Variants in ZNF518A observed in about 807,000 individuals in gnomAD.
The protein encoded by ZNF518A is zinc finger protein 518A.
A neutral mutation model predicts 102.7 loss-of-function variants in ZNF518A; 47 were observed. The ratio of observed to expected loss-of-function variants is 0.46; its 90% CI spans 0.36 to 0.58. The LOEUF (loss-of-function observed/expected upper bound fraction) is 0.58, where lower values mean the gene tolerates loss of function less well. Among genes scored for constraint, ZNF518A ranks in the 20% least tolerant of loss-of-function variants. The probability of loss-of-function intolerance (pLI) is 0.00; values close to 1 mark genes in which losing one functional copy is unlikely to be tolerated. For missense variants in ZNF518A, 1,793 were observed against 1,699.8 expected, an observed-to-expected ratio of 1.05 and a Z score of -0.96; for synonymous variants, 652 against 594.6, an observed-to-expected ratio of 1.10 and a Z score of -1.40.
intron 1 of ZNF518A, among the ~76,000 whole-genome samples, chr10:96,195,199 T>C (rs797026898): frequency 4.1e-4 from 63 of 152,314 alleles, no homozygotes; most frequent in South Asian, 2.1e-3. Context: ...TAAACCCTCG[T>C]GTGCTGTTGG....
At chr10:96,169,274 T>G (rs747870914) in intron 1 of ZNF518A, among the ~76,000 whole-genome samples, 43 of 152,196 alleles carry the variant, frequency 2.8e-4, no homozygotes, top group Non-Finnish European at 5.4e-4. Context: ...CAAAACACTG[T>G]GATTACAGGT....
At chr10:96,131,807 A>G (rs985587142) in intron 1 of ZNF518A, among the ~76,000 whole-genome samples, 13 of 151,746 alleles carry the variant, frequency 8.6e-5, no homozygotes, top group African/African-American at 2.9e-4. Flanking sequence ...CTCTCTGGTA[A>G]TAGTATGCTG....
chr10:96,154,454 C>T (rs1564764524), intron 3 of ZNF518A, among the ~76,000 whole-genome samples: 1 of 150,772 alleles, frequency 6.6e-6, no homozygotes, highest in East Asian at 1.9e-4. Context: ...TTCCTTCCTG[C>T]CTTCTTTTCT....
chr10:96,201,121 A>G (rs1033248910), intron 1 of ZNF518A: 16 of 1,399,146 alleles, frequency 1.1e-5, no homozygotes, highest in Middle Eastern at 1.7e-4. Flanking sequence ...TTCTATGCCT[A>G]TCCCCTAACA....
chr10:96,174,853 C>A (rs1268011127), intron 1 of ZNF518A, among the ~76,000 whole-genome samples: 1 of 152,114 alleles, frequency 6.6e-6, no homozygotes, highest in Non-Finnish European at 1.5e-5. Context: ...TATGTTGGTG[C>A]TTTAACCTCC....
intron 1 of ZNF518A, among the ~76,000 whole-genome samples, chr10:96,185,682 C>T (rs1787004757): frequency 6.6e-6 from 1 of 152,210 alleles, no homozygotes; most frequent in African/African-American, 2.4e-5. Context: ...CCTCTGGAAG[C>T]TTCGTCTCAG....
intron 1 of ZNF518A, among the ~76,000 whole-genome samples, chr10:96,180,794 G>T (rs587679030): frequency 2.4e-4 from 36 of 152,234 alleles, no homozygotes; most frequent in Admixed American, 1.1e-3. Context: ...GAATAGTGCC[G>T]CAATAAACGT....
At chr10:96,191,849 T>A in intron 1 of ZNF518A, 1 of 1,323,170 alleles carries the variant, frequency 7.6e-7, no homozygotes, top group Non-Finnish European at 1.1e-6. Flanking sequence ...AATAGCTGAC[T>A]CCATCTTCCA....
At chr10:96,139,371 T>G (rs1452676359) in intron 3 of ZNF518A, among the ~76,000 whole-genome samples, 1 of 152,150 alleles carries the variant, frequency 6.6e-6, no homozygotes. Context: ...AAGTGGGGCC[T>G]TTTTAAGAGG....
At chr10:96,141,972 A>G (rs1554876691) in intron 3 of ZNF518A, among the ~76,000 whole-genome samples, 1 of 152,012 alleles carries the variant, frequency 6.6e-6, no homozygotes, top group Non-Finnish European at 1.5e-5. Context: ...GAACTCCTGG[A>G]CTCAAGCAGT....
Position 96,132,674 on chromosome 10 carries a change from T to C in ZNF518A, c.-368+4T>C, listed in dbSNP as rs2081397307. ...CCTTTTGTTCCTGAAGAAAGAGGTA[T>C]GGTAAAGATTGAAATACTGGAGTAT... On this transcript the variant is annotated splice_donor_region_variant and intron_variant, in intron 2 of 5. Coordinates refer to ENST00000316045, the MANE Select transcript of ZNF518A (RefSeq NM_001330736.2). The C allele has an allele frequency of 6.6e-6, 1 of 151,998 alleles. No homozygotes were observed. The highest frequency in any genetic ancestry group is 6.6e-5 in the Admixed American group (1 of 15,260). 9.4% of individuals were successfully genotyped at this position (151,998 alleles called of 1,614,324 possible).
intron 1 of ZNF518A, chr10:96,203,497 A>C (rs1197764909): frequency 6.6e-6 from 1 of 152,092 alleles, no homozygotes; most frequent in Non-Finnish European, 1.5e-5. Flanking sequence ...TTTTTTTCCC[A>C]CATTGAGTTG....
In ZNF518A at chr10:96,181,677, C is replaced by G. The variant is rs185459972; in HGVS notation, n.36-21897C>G. Among the ~76,000 whole-genome samples, 691 of 152,214 alleles carry G rather than the reference C, an allele frequency of 4.5e-3. 2 individuals carry two copies. The highest frequency in any genetic ancestry group is 7.2e-3 in the Non-Finnish European group (489 of 68,012). On this transcript the variant is annotated intron_variant and non_coding_transcript_variant, in intron 1 of 2. Coordinates refer to the ZNF518A transcript ENST00000442635. ...AGATGTGTGGTGTTATTTCTGAGGC[C>G]TCTGTTCTGTTCCATTGGTCTATCT...
chr10:96,191,378 T>C (rs1473995561), intron 1 of ZNF518A, among the ~76,000 whole-genome samples: 1 of 152,096 alleles, frequency 6.6e-6, no homozygotes, highest in Non-Finnish European at 1.5e-5. Flanking sequence ...TAATTATCTT[T>C]AGTAAGCAAA....
chr10:96,159,484 A>G lies in ZNF518A; in HGVS notation c.3162A>G (p.Lys1054=). Residue 1054 remains lysine (K), a synonymous_variant, in exon 6 of 6, where the codon AAA becomes AAG. Transcript: ENST00000316045. ...TLPLKGPYIL[K]PTSSVKAVLI... is the part of the protein sequence containing the mutation. ...CATTAAAAGGCCCTTACATTTTGAA[A>G]CCAACGAGTTCTGTGAAAGCTGTTC... 6.2e-7 allele frequency: 1 copy of G among 1,613,816 alleles called. No individual in the cohort carries two copies.
intron 1 of ZNF518A, among the ~76,000 whole-genome samples, chr10:96,197,366 G>A (rs2083493758): frequency 6.6e-6 from 1 of 152,100 alleles, no homozygotes; most frequent in African/African-American, 2.4e-5. Flanking sequence ...GTGCAGTGGT[G>A]CAATCACAGT....
intron 1 of ZNF518A, among the ~76,000 whole-genome samples, chr10:96,195,485 G>A (rs1303395195): frequency 2.0e-5 from 3 of 152,184 alleles, no homozygotes; most frequent in African/African-American, 7.2e-5. Flanking sequence ...GCCTTAAAAA[G>A]GAAGGAAATC....
chr10:96,150,352 A>G (rs1442527950), intron 3 of ZNF518A, among the ~76,000 whole-genome samples: 1 of 130,974 alleles, frequency 7.6e-6, no homozygotes, highest in Non-Finnish European at 1.7e-5. Context: ...AAAAAAAAAA[A>G]TTGATGTCTG....
Position 96,200,136 on chromosome 10 carries a change from G to A in ZNF518A, n.36-3438G>A. ...TCGATCACAGGCTCCAGCATACCAT[G>A]GCTTGCAGAGAACGCCAGCTTCCTG... is the stretch of plus-strand genomic sequence containing the variant. On this transcript the variant is annotated intron_variant and non_coding_transcript_variant, in intron 1 of 2. Transcript: ENST00000442635. The surrounding 1 kb of genome is among the most constrained non-coding windows in gnomAD (Gnocchi z 4.3). 1.2e-6 allele frequency: 2 copies of A among 1,614,126 alleles called. No individual in the cohort carries two copies. The highest frequency in any genetic ancestry group is 1.3e-5 in the African/African-American group (1 of 75,036).
Sources: allele counts gnomAD v4.1 joint callset (sites outside exome capture counted in the v4.1 genomes callset), GRCh38; gene constraint gnomAD v4.1.1; non-coding constraint Gnocchi (gnomAD v3.1); transcripts MANE v1.5; gene names NCBI Gene and HGNC (gene_info 2026-07-23, HGNC 2026-07-21).